The following NAV3 variants were observed in gnomAD, a reference collection of about 807,000 sequenced individuals.
The protein encoded by NAV3 is neuron navigator 3, also known as pore membrane and/or filament interacting like protein 1.
In NAV3, 87 loss-of-function variants were observed where a neutral mutation model predicts 244.7. That is an observed-to-expected ratio of 0.36 (90% confidence interval 0.30 to 0.42). The LOEUF (loss-of-function observed/expected upper bound fraction) is 0.42, where lower values mean the gene tolerates loss of function less well. NAV3 is among the 20% of genes least tolerant of loss of function. NAV3 has a pLI of 1.00. For synonymous variants in NAV3, 1,126 were observed against 1,042.2 expected, an observed-to-expected ratio of 1.08 and a Z score of -1.55; for missense variants, 2,663 against 2,893.3, an observed-to-expected ratio of 0.92 and a Z score of 1.83.
At chr12:77,966,379 C>T (rs1018652279) in intron 4 of NAV3, 78 bp downstream of exon 4, 6 of 1,228,518 alleles carry the variant, frequency 4.9e-6, no homozygotes, top group Non-Finnish European at 5.8e-6. Context: ...AGAAATGTAA[C>T]ATTGGAGTAT....
chr12:77,755,611 C>CTCCTTCCTTCCTTCCTTCCTTCCT lies in NAV3; in HGVS notation c.72+183369_72+183392dup, dbSNP rs1186550811. On this transcript the variant is annotated intron_variant, in intron 2 of 8. Transcript: ENST00000550042. ...CCTCCCTCCCTCCCTCCCTCCCTCC[C>CTCCTTCCTTCCTTCCTTCCTTCCT]TCCTTCCTTCCTTCCTTCCTTCCTT... Among the ~76,000 whole-genome samples, 17 of 38,248 alleles carry CTCCTTCCTTCCTTCCTTCCTTCCT rather than the reference C, an allele frequency of 4.4e-4. 1 individual carries two copies. Among genetic ancestry groups the CTCCTTCCTTCCTTCCTTCCTTCCT allele is most frequent in the South Asian group, 9.7e-4 (1 of 1,032 alleles). 25.1% of individuals were successfully genotyped at this position (38,248 alleles called of 152,430 possible). A position where few individuals can be genotyped will look rare whatever the true frequency, so the allele number is the denominator to read the frequency against.
At chr12:77,745,305 G>A (rs1349599535) in intron 2 of NAV3, among the ~76,000 whole-genome samples, 1 of 152,008 alleles carries the variant, frequency 6.6e-6, no homozygotes, top group African/African-American at 2.4e-5. Flanking sequence ...CACTTAGCCA[G>A]GTGGCATTCA....
chr12:78,052,403 G>A (rs10506768), intron 11 of NAV3, among the ~76,000 whole-genome samples: 4,677 of 152,212 alleles, frequency 0.031, 238 homozygotes, highest in African/African-American at 0.1. Context: ...AGAGTGCCTA[G>A]TTTGAATCTC....
intron 11 of NAV3, 109 bp downstream of exon 11, chr12:78,051,256 T>A: frequency 7.9e-7 from 1 of 1,258,868 alleles, no homozygotes; most frequent in Non-Finnish European, 1.1e-6. Context: ...CATGAGAACA[T>A]ATGAGATATC....
At chr12:78,160,406 T>TGTGTGTGTGTGTGTGTGC (rs1555184852) in intron 23 of NAV3, among the ~76,000 whole-genome samples, 2 of 138,820 alleles carry the variant, frequency 1.4e-5, no homozygotes, top group African/African-American at 5.3e-5. Context: ...TGTGCGTGCG[T>TGTGTGTGTGTGTGTGTGC]GTGTGTGTGT....
chr12:77,781,693 C>A (rs1323972602), intron 2 of NAV3, among the ~76,000 whole-genome samples: 1 of 152,182 alleles, frequency 6.6e-6, no homozygotes, highest in Non-Finnish European at 1.5e-5. Context: ...TAGCAAAATA[C>A]ACTTCCTAAA....
chr12:77,589,124 C>T lies in NAV3; in HGVS notation c.72+16858C>T, dbSNP rs367652891. 2.2e-4 allele frequency among the ~76,000 whole-genome samples: 34 copies of T among 152,268 alleles called. No homozygotes were observed. The South Asian group carries it at 5.0e-3, about 22-fold the overall frequency. On this transcript the variant is annotated intron_variant, in intron 2 of 8. Transcript: ENST00000550042. The stretch of plus-strand genomic sequence containing the variant: ...GACAAAAATTACTCCAGGAAGGAAA[C>T]ATTTTATAATTTTTCTCCCGTAGGA...
chr12:78,001,664 T>C (rs1309625955), intron 7 of NAV3, among the ~76,000 whole-genome samples: 1 of 152,110 alleles, frequency 6.6e-6, no homozygotes, highest in Admixed American at 6.6e-5. Flanking sequence ...TTTGAAAAAA[T>C]AGTGTGCTCG....
intron 23 of NAV3, among the ~76,000 whole-genome samples, chr12:78,163,302 A>G (rs2139465778): frequency 6.6e-6 from 1 of 152,238 alleles, no homozygotes; most frequent in South Asian, 2.1e-4. Flanking sequence ...TCCAGATGCC[A>G]AATAACACGG....
At chr12:78,004,262 A>T (rs893584381) in intron 7 of NAV3, among the ~76,000 whole-genome samples, 5 of 152,168 alleles carry the variant, frequency 3.3e-5, no homozygotes, top group African/African-American at 1.2e-4. Context: ...CTTATTATGT[A>T]CTTGGAATAA....
chr12:77,831,996 A>T (rs1156271952), intron 1 of NAV3, among the ~76,000 whole-genome samples: 1 of 152,244 alleles, frequency 6.6e-6, no homozygotes, highest in East Asian at 1.9e-4. Flanking sequence ...ATTACTAATA[A>T]TCATAATCAG....
chr12:77,906,592 A>G (rs1592962183), intron 1 of NAV3, among the ~76,000 whole-genome samples: 1 of 152,204 alleles, frequency 6.6e-6, no homozygotes, highest in East Asian at 1.9e-4. Context: ...ATTTTAGCAG[A>G]CTATTAAAAC....
intron 1 of NAV3, among the ~76,000 whole-genome samples, chr12:77,838,319 C>T (rs1381101277): frequency 6.6e-6 from 1 of 152,056 alleles, no homozygotes; most frequent in Non-Finnish European, 1.5e-5. Context: ...ACATTTATTG[C>T]TCTTGAGTAA....
At chr12:77,928,142 G>T (rs1187582047) in intron 1 of NAV3, among the ~76,000 whole-genome samples, 1 of 143,116 alleles carries the variant, frequency 7.0e-6, no homozygotes, top group Non-Finnish European at 1.5e-5. Flanking sequence ...GGAATTGCTT[G>T]AATCAGGGAG....
chr12:77,882,242 A>T (rs1220001721), intron 1 of NAV3, among the ~76,000 whole-genome samples: 2 of 152,116 alleles, frequency 1.3e-5, no homozygotes, highest in Non-Finnish European at 2.9e-5. Context: ...AAATAGAGCA[A>T]TGCAACATAA....
intron 1 of NAV3, among the ~76,000 whole-genome samples, chr12:77,855,924 T>C (rs1327449545): frequency 6.6e-6 from 1 of 152,226 alleles, no homozygotes; most frequent in Non-Finnish European, 1.5e-5. Flanking sequence ...TTGTTTTAAT[T>C]CCTTAAATTT....
intron 2 of NAV3, among the ~76,000 whole-genome samples, chr12:77,814,928 T>C (rs1184652868): frequency 6.6e-6 from 1 of 152,316 alleles, no homozygotes. Flanking sequence ...AGTGGAAATA[T>C]ATGCTGCTAG....
intron 1 of NAV3, among the ~76,000 whole-genome samples, chr12:77,899,337 A>G (rs1884989117): frequency 6.6e-6 from 1 of 152,228 alleles, no homozygotes; most frequent in Non-Finnish European, 1.5e-5. Context: ...CATGAAAGTC[A>G]GTTGATGCAG....
chr12:78,095,094 TA>T (rs1954178531), intron 12 of NAV3, among the ~76,000 whole-genome samples: 1 of 145,164 alleles, frequency 6.9e-6, no homozygotes, highest in African/African-American at 2.5e-5. Flanking sequence ...CACACATATA[TA>T]TATACACATA....
Sources: gnomAD v4.1 joint callset for allele counts (sites outside exome capture counted in the v4.1 genomes callset) on GRCh38, gnomAD v4.1.1 for gene constraint, MANE v1.5 for transcripts, NCBI Gene and HGNC (gene_info 2026-07-23, HGNC 2026-07-21) for gene names.